The following MACROD2 variants were observed in gnomAD, a reference collection of about 807,000 sequenced individuals.
The protein encoded by MACROD2 is mono-ADP ribosylhydrolase 2, also known as ADP-ribose glycohydrolase MACROD2.
MACROD2 carries 36 observed loss-of-function variants against 70.4 expected under a neutral mutation model. That is an observed-to-expected ratio of 0.51 (90% confidence interval 0.39 to 0.68). The LOEUF is 0.68. Ranked by LOEUF, MACROD2 falls within the 30% of genes least tolerant of loss-of-function variation. MACROD2 has a pLI of 0.00. For synonymous variants in MACROD2, 172 were observed against 178.8 expected (o/e 0.96, Z 0.30); for missense variants, 496 against 538.4 (o/e 0.92, Z 0.78).
intron 4 of MACROD2, among the ~76,000 whole-genome samples, chr20:14,679,125 T>A (rs570035218): frequency 9.2e-5 from 14 of 152,324 alleles, no homozygotes; most frequent in African/African-American, 3.1e-4. Flanking sequence ...TTTTAGCATA[T>A]AAGCATTCTG....
At chr20:14,350,503 G>A (rs1024070177) in intron 3 of MACROD2, among the ~76,000 whole-genome samples, 3 of 152,128 alleles carry the variant, frequency 2.0e-5, no homozygotes, top group Middle Eastern at 3.2e-3. Flanking sequence ...TTTCCCTGAT[G>A]ATTAGTGGTG....
intron 6 of MACROD2, among the ~76,000 whole-genome samples, chr20:15,258,668 C>A (rs1453255230): frequency 6.6e-6 from 1 of 151,976 alleles, no homozygotes; most frequent in African/African-American, 2.4e-5. Flanking sequence ...GAGAACATAT[C>A]CCCATCATTA....
intron 9 of MACROD2, among the ~76,000 whole-genome samples, chr20:15,869,265 A>AGAGCGAGC (rs2064546265): frequency 7.0e-6 from 1 of 141,886 alleles, no homozygotes; most frequent in African/African-American, 2.6e-5. Context: ...AGAGAGAGAG[A>AGAGCGAGC]GAGCAATGCT....
chr20:15,516,232 A>T (rs1369652012), intron 8 of MACROD2, among the ~76,000 whole-genome samples: 1 of 152,120 alleles, frequency 6.6e-6, no homozygotes, highest in Non-Finnish European at 1.5e-5. Flanking sequence ...AGTTCTGATG[A>T]TACTATTTTT....
In MACROD2 at chr20:15,329,304, G is replaced by A. The variant is rs993354063; in HGVS notation, c.540+99243G>A. ...GGCCCTTTGGACTTGTTCAGGGTGA[G>A]AGTGGTGTATCTGTAGGTGATTTAG... On this transcript the variant is annotated intron_variant, in intron 6 of 17. Transcript: ENST00000684519. 3.7e-4 allele frequency among the ~76,000 whole-genome samples: 57 copies of A among 152,250 alleles called. 1 individual carries two copies. The highest frequency in any genetic ancestry group is 1.3e-3 in the African/African-American group (55 of 41,538).
chr20:15,734,068 A>G (rs918307352), intron 8 of MACROD2, among the ~76,000 whole-genome samples: 8 of 152,196 alleles, frequency 5.3e-5, no homozygotes, highest in African/African-American at 1.9e-4. Flanking sequence ...TGATCTGGGC[A>G]AGGGAGAGGG....
At chr20:14,960,108 G>T (rs2074570513) in intron 5 of MACROD2, among the ~76,000 whole-genome samples, 1 of 152,154 alleles carries the variant, frequency 6.6e-6, no homozygotes, top group Admixed American at 6.5e-5. Context: ...TCATATTCCT[G>T]ATTCCTTATA....
chr20:14,891,592 C>G (rs1344638396), intron 5 of MACROD2, among the ~76,000 whole-genome samples: 1 of 152,116 alleles, frequency 6.6e-6, no homozygotes, highest in African/African-American at 2.4e-5. Flanking sequence ...ATTTTCTATG[C>G]TCATTCTGTC....
chr20:14,926,163 AGTTT>A lies in MACROD2; in HGVS notation c.418+241225_418+241228del, dbSNP rs56297753. The stretch of plus-strand genomic sequence containing the variant: ...TCTTCACACTTTTGCCTAAATGCAG[AGTTT>A]GTTTGTTTGTTTGTTTGTTTTTTAA... On this transcript the variant is annotated intron_variant, in intron 5 of 17. Transcript: ENST00000684519. Among the ~76,000 whole-genome samples, 561 of 151,814 alleles carry A rather than the reference AGTTT, an allele frequency of 3.7e-3. 4 individuals are homozygous for A. Among genetic ancestry groups the A allele is most frequent in the African/African-American group, 0.012 (510 of 41,408 alleles).
chr20:14,167,637 A>G (rs867264879), intron 3 of MACROD2, among the ~76,000 whole-genome samples: 4 of 152,004 alleles, frequency 2.6e-5, no homozygotes, highest in Admixed American at 6.5e-5. Flanking sequence ...TGATCCACCC[A>G]CCTCGGCCTC....
intron 2 of MACROD2, among the ~76,000 whole-genome samples, chr20:14,032,430 G>A (rs1015514134): frequency 6.6e-6 from 1 of 152,074 alleles, no homozygotes; most frequent in Non-Finnish European, 1.5e-5. Context: ...TTTTATATGA[G>A]TACCTGTTTT....
chr20:14,381,278 A>T (rs535032293), intron 3 of MACROD2, among the ~76,000 whole-genome samples: 1 of 152,194 alleles, frequency 6.6e-6, no homozygotes, highest in African/African-American at 2.4e-5. Context: ...GATATTATAT[A>T]TTGCATGTAA....
chr20:14,899,593 T>C (rs2122544734), intron 5 of MACROD2, among the ~76,000 whole-genome samples: 1 of 152,274 alleles, frequency 6.6e-6, no homozygotes, highest in East Asian at 1.9e-4. Context: ...ATCAGTCATA[T>C]TGGACTAGGG....
At chr20:15,400,755 T>A (rs2045917735) in intron 6 of MACROD2, among the ~76,000 whole-genome samples, 1 of 152,212 alleles carries the variant, frequency 6.6e-6, no homozygotes, top group Non-Finnish European at 1.5e-5. Context: ...TGAACACATT[T>A]GCCTTTGGCA....
rs1177214044 is a variant in MACROD2, at chr20:14,954,923, AT to A, written c.418+269965del. Among the ~76,000 whole-genome samples the A allele has an allele frequency of 5.6e-5, 6 of 106,982 alleles. No homozygotes were observed. The Admixed American group carries it at 6.5e-4, about 12-fold the overall frequency. 70.2% of individuals were successfully genotyped at this position (106,982 alleles called of 152,430 possible). A position where few individuals can be genotyped will look rare whatever the true frequency, so the allele number is the denominator to read the frequency against. ...TAATTTATATTTTATATAATTAAAT[AT>A]ATTATATATTTAATTATATAAGTAT... On this transcript the variant is annotated intron_variant, in intron 5 of 17. Transcript: ENST00000684519.
At chr20:14,673,836 C>G (rs1415250763) in intron 4 of MACROD2, among the ~76,000 whole-genome samples, 2 of 149,106 alleles carry the variant, frequency 1.3e-5, no homozygotes, top group African/African-American at 5.0e-5. Context: ...AGGAGAATTG[C>G]TTGAACCTGG....
chr20:14,391,825 G>A (rs1051225042), intron 3 of MACROD2, among the ~76,000 whole-genome samples: 10 of 144,846 alleles, frequency 6.9e-5, no homozygotes, highest in African/African-American at 2.6e-4. Flanking sequence ...CTAGATGGGG[G>A]AAAGGAGGGA....
At chr20:15,979,188 T>C (rs6080070) in intron 13 of MACROD2, among the ~76,000 whole-genome samples, 84,904 of 152,024 alleles carry the variant, frequency 0.56, 23,847 homozygotes, top group East Asian at 0.64. Context: ...CCCCAACAGT[T>C]TCACTGGGGG....
chr20:15,062,461 T>C (rs1209841251), intron 5 of MACROD2, among the ~76,000 whole-genome samples: 2 of 151,764 alleles, frequency 1.3e-5, no homozygotes, highest in Non-Finnish European at 2.9e-5. Flanking sequence ...CCAAACCGCC[T>C]CCATTTCCCA....
Sources: allele counts gnomAD v4.1 joint callset (sites outside exome capture counted in the v4.1 genomes callset), GRCh38; gene constraint gnomAD v4.1.1; transcripts MANE v1.5; gene names NCBI Gene and HGNC (gene_info 2026-07-23, HGNC 2026-07-21).